Variants in FNDC3B observed in about 807,000 individuals in gnomAD.
FNDC3B encodes fibronectin type III domain containing 3B.
FNDC3B carries 12 observed loss-of-function variants against 151.5 expected under a neutral mutation model. The observed-to-expected ratio is 0.08, with a 90% confidence interval of 0.05 to 0.13. The LOEUF is 0.13. FNDC3B is among the 10% of genes least tolerant of loss of function. The pLI, the probability that FNDC3B is intolerant of heterozygous loss-of-function variation, is 1.00. For synonymous variants in FNDC3B, 528 were observed against 549.0 expected, an observed-to-expected ratio of 0.96 and a Z score of 0.54; for missense variants, 1,214 against 1,505.3, an observed-to-expected ratio of 0.81 and a Z score of 3.20.
chr3:172,118,455 G>T (rs998850380), intron 2 of FNDC3B, among the ~76,000 whole-genome samples: 1 of 152,144 alleles, frequency 6.6e-6, no homozygotes, highest in Middle Eastern at 3.2e-3. Flanking sequence ...AGGAAGTTTT[G>T]TAATCAGTAT....
chr3:172,284,648 C>A (rs1729913628), intron 6 of FNDC3B, among the ~76,000 whole-genome samples: 1 of 150,504 alleles, frequency 6.6e-6, no homozygotes, highest in Admixed American at 6.6e-5. Flanking sequence ...CTCCTTAGGT[C>A]CACATCCCCC....
chr3:172,258,567 G>C (rs1728487880), intron 6 of FNDC3B, among the ~76,000 whole-genome samples: 1 of 152,176 alleles, frequency 6.6e-6, no homozygotes, highest in East Asian at 1.9e-4. Context: ...GGTTTGGGAT[G>C]GCGTTTTTTC....
intron 4 of FNDC3B, among the ~76,000 whole-genome samples, chr3:172,228,521 T>G (rs749061454): frequency 5.3e-5 from 8 of 151,898 alleles, no homozygotes; most frequent in Non-Finnish European, 1.2e-4. Context: ...GCAAAAATAT[T>G]TATTGCATGT....
chr3:172,373,135 T>G (rs1734960798), intron 23 of FNDC3B, among the ~76,000 whole-genome samples: 1 of 152,196 alleles, frequency 6.6e-6, no homozygotes, highest in Non-Finnish European at 1.5e-5. Flanking sequence ...GCATCCCTAT[T>G]TCCTGAGCCC....
chr3:172,384,293 TTAAA>T (rs1157162251), intron 25 of FNDC3B, among the ~76,000 whole-genome samples: 2 of 152,242 alleles, frequency 1.3e-5, no homozygotes, highest in East Asian at 1.9e-4. Flanking sequence ...ATCATTCCTC[TTAAA>T]TAAGAACAAA....
chr3:172,331,667 A>T (rs1732677078), intron 13 of FNDC3B, among the ~76,000 whole-genome samples: 1 of 151,874 alleles, frequency 6.6e-6, no homozygotes. Flanking sequence ...GCCAGCCTCT[A>T]GTCAGTTCTT....
chr3:172,121,301 C>A (rs1428529873), intron 2 of FNDC3B, among the ~76,000 whole-genome samples: 1 of 152,208 alleles, frequency 6.6e-6, no homozygotes, highest in Admixed American at 6.5e-5. Context: ...TAGTTATCTA[C>A]TTGCCCCATG....
At position 172,270,874 on chromosome 3, in the gene FNDC3B, A is replaced by T. The variant is rs374509580; in HGVS notation, c.791-15052A>T. Among the ~76,000 whole-genome samples the T allele has an allele frequency of 1.6e-4, 25 of 152,372 alleles. No homozygotes were observed. The East Asian group carries it at 3.1e-3, about 19-fold the overall frequency. Reference sequence around the variant, plus strand: ...ATACAGAATTCCATTGCAGTTGGAAAGAGTTACCAGATAGTTCATTATGTG... The same window carrying T: ...ATACAGAATTCCATTGCAGTTGGAATGAGTTACCAGATAGTTCATTATGTG... On this transcript the variant is annotated intron_variant, in intron 6 of 25. Transcript: ENST00000415807.
intron 25 of FNDC3B, among the ~76,000 whole-genome samples, chr3:172,389,709 C>CA (rs746605377): frequency 3.5e-4 from 53 of 151,514 alleles, no homozygotes; most frequent in African/African-American, 8.9e-4. Flanking sequence ...ACTAAAAATA[C>CA]AAAAAAAATA....
intron 6 of FNDC3B, among the ~76,000 whole-genome samples, chr3:172,271,469 T>A (rs2108803910): frequency 6.6e-6 from 1 of 151,974 alleles, no homozygotes; most frequent in East Asian, 1.9e-4. Flanking sequence ...ATAACTTTAA[T>A]ATTACTCAGC....
chr3:172,172,354 C>A (rs1010282864), intron 3 of FNDC3B, among the ~76,000 whole-genome samples: 3 of 152,014 alleles, frequency 2.0e-5, no homozygotes, highest in African/African-American at 4.8e-5. Context: ...TAAGGAACAG[C>A]GAAGTAAAGA....
chr3:172,311,365 G>A (rs1474558688), intron 11 of FNDC3B, among the ~76,000 whole-genome samples: 1 of 152,188 alleles, frequency 6.6e-6, no homozygotes, highest in Non-Finnish European at 1.5e-5. Flanking sequence ...CCATGTGCGA[G>A]TGCCCTGTGG....
At chr3:172,258,997 C>T (rs1200641618) in intron 6 of FNDC3B, among the ~76,000 whole-genome samples, 1 of 152,158 alleles carries the variant, frequency 6.6e-6, no homozygotes, top group Non-Finnish European at 1.5e-5. Context: ...ATCTGCTTCC[C>T]TTACTGCATT....
At chr3:172,383,653 G>A (rs1483227742) in intron 25 of FNDC3B, among the ~76,000 whole-genome samples, 2 of 152,184 alleles carry the variant, frequency 1.3e-5, no homozygotes, top group African/African-American at 4.8e-5. Flanking sequence ...GCTGGTCCAT[G>A]GACCATAATT....
intron 4 of FNDC3B, among the ~76,000 whole-genome samples, chr3:172,246,567 C>T (rs1031202582): frequency 1.3e-5 from 2 of 152,210 alleles, no homozygotes; most frequent in Non-Finnish European, 2.9e-5. Flanking sequence ...GTGCTGCCTT[C>T]GTTGCTCTAC....
At chr3:172,282,401 T>G (rs1366776319) in intron 6 of FNDC3B, among the ~76,000 whole-genome samples, 1 of 152,170 alleles carries the variant, frequency 6.6e-6, no homozygotes. Flanking sequence ...ACGTTTCTCC[T>G]AACATGAGGG....
chr3:172,132,192 T>C (rs1026983833), intron 2 of FNDC3B, among the ~76,000 whole-genome samples: 2 of 151,972 alleles, frequency 1.3e-5, no homozygotes, highest in African/African-American at 4.8e-5. Flanking sequence ...TGGAGGAAGG[T>C]AGGTGGTAAG....
intron 3 of FNDC3B, among the ~76,000 whole-genome samples, chr3:172,158,550 C>T (rs1176073410): frequency 6.6e-6 from 1 of 151,956 alleles, no homozygotes; most frequent in African/African-American, 2.4e-5. Flanking sequence ...ATTATATATT[C>T]TAGACACAAG....
chr3:172,098,030 T>C (rs1252050871), intron 1 of FNDC3B, among the ~76,000 whole-genome samples: 1 of 152,116 alleles, frequency 6.6e-6, no homozygotes, highest in Non-Finnish European at 1.5e-5. Context: ...TTTTTTTTTT[T>C]TAAGAAATGA....
Sources: gnomAD v4.1 joint callset for allele counts (sites outside exome capture counted in the v4.1 genomes callset) on GRCh38, gnomAD v4.1.1 for gene constraint, MANE v1.5 for transcripts, NCBI Gene and HGNC (gene_info 2026-07-23, HGNC 2026-07-21) for gene names.